TRMT11: variants seen among roughly 807,000 people sequenced by gnomAD.
TRMT11 encodes tRNA (guanine(10)-N(2))-methyltransferase TRMT11.
A neutral mutation model predicts 62.8 loss-of-function variants in TRMT11; 53 were observed. That is an observed-to-expected ratio of 0.84 (90% CI 0.68 to 1.06). The LOEUF is 1.06. TRMT11 is among the 50% of genes least tolerant of loss of function. The pLI, the probability that TRMT11 is intolerant of heterozygous loss-of-function variation, is 0.00. For missense variants in TRMT11, 556 were observed against 553.4 expected (o/e 1.00, Z -0.05); for synonymous variants, 188 against 190.3 (o/e 0.99, Z 0.10).
chr6:126,196,858 A>T (rs535709238), intron 1 of TRMT11, among the ~76,000 whole-genome samples: 5 of 152,148 alleles, frequency 3.3e-5, no homozygotes, highest in African/African-American at 1.2e-4. Flanking sequence ...GGGAATTAAA[A>T]TTTTTTTTAA....
At position 126,111,698 on chromosome 6, in the gene TRMT11, C is replaced by T. The variant is rs886539147; in HGVS notation, c.*1438-1168C>T. 4.6e-5 allele frequency among the ~76,000 whole-genome samples: 7 copies of T among 152,128 alleles called. No individual in the cohort carries two copies. In the East Asian group the frequency reaches 5.8e-4, roughly 13 times the overall value. ...GTTTGAAGGGCACATCATTCCAAGG[C>T]GGAATGGAGTGAGTAGGGCTTTCCC... is the stretch of plus-strand genomic sequence containing the variant. On this transcript the variant is annotated intron_variant and NMD_transcript_variant, in intron 17 of 22. Coordinates refer to the TRMT11 transcript ENST00000648977.
At chr6:126,085,519 A>C (rs1221495287) in intron 17 of TRMT11, among the ~76,000 whole-genome samples, 1 of 152,198 alleles carries the variant, frequency 6.6e-6, no homozygotes, top group Non-Finnish European at 1.5e-5. Flanking sequence ...CATATTTAAC[A>C]TGAGAAAAAT....
chr6:126,074,507 C>T (rs1391020933), intron 17 of TRMT11, among the ~76,000 whole-genome samples: 2 of 151,918 alleles, frequency 1.3e-5, no homozygotes, highest in East Asian at 1.9e-4. Context: ...GAAAAATTAC[C>T]AAGAAGGCCA....
intron 17 of TRMT11, among the ~76,000 whole-genome samples, chr6:126,104,889 T>G (rs1449448714): frequency 2.0e-5 from 3 of 152,196 alleles, no homozygotes; most frequent in Non-Finnish European, 4.4e-5. Flanking sequence ...TGGGACAAAT[T>G]GGATCAGATA....
At chr6:125,987,034 A>G (rs1470388016) in intron 1 of TRMT11, 3 of 186,614 alleles carry the variant, frequency 1.6e-5, no homozygotes, top group East Asian at 1.5e-4. Flanking sequence ...GGAGAAGTTG[A>G]GAAGAGTGTT....
intron 17 of TRMT11, among the ~76,000 whole-genome samples, chr6:126,106,535 A>C (rs1447368153): frequency 6.6e-6 from 1 of 152,180 alleles, no homozygotes; most frequent in Non-Finnish European, 1.5e-5. Flanking sequence ...GAAATAGGCT[A>C]GAATTCGAAG....
Position 126,029,359 on chromosome 6 carries a change from TC to T in TRMT11, c.1260+8085del, listed in dbSNP as rs148091367. 2.8e-3 allele frequency among the ~76,000 whole-genome samples: 424 copies of T among 152,166 alleles called. 1 individual carries two copies. The highest frequency in any genetic ancestry group is 9.6e-3 in the African/African-American group (400 of 41,528). ...TAGAGTAATGCAGCACTCCAGAAGATCCCCCCTTTTGTGGCCATTGTTGATC... is the reference window on the plus strand; with the variant it reads ...TAGAGTAATGCAGCACTCCAGAAGATCCCCCTTTTGTGGCCATTGTTGATC... On this transcript the variant is annotated intron_variant, in intron 12 of 12. Coordinates refer to ENST00000334379, the MANE Select transcript of TRMT11 (RefSeq NM_001031712.3).
At chr6:126,188,701 CAA>C (rs1167975658) in intron 1 of TRMT11, among the ~76,000 whole-genome samples, 1 of 152,094 alleles carries the variant, frequency 6.6e-6, no homozygotes, top group East Asian at 1.9e-4. Context: ...AGCATGTAGA[CAA>C]GTTTGCAAAT....
At chr6:126,140,278 A>G (rs1777902985) in intron 21 of TRMT11, among the ~76,000 whole-genome samples, 1 of 151,992 alleles carries the variant, frequency 6.6e-6, no homozygotes, top group South Asian at 2.1e-4. Context: ...CTGATTTGCT[A>G]ATATGTAATT....
chr6:126,143,460 G>A (rs1174866454), intron 21 of TRMT11, among the ~76,000 whole-genome samples: 7 of 152,062 alleles, frequency 4.6e-5, no homozygotes, highest in Admixed American at 2.6e-4. Flanking sequence ...TTATCTAAAA[G>A]AAAGGTCCCT....
intron 11 of TRMT11, among the ~76,000 whole-genome samples, chr6:126,018,033 G>A (rs746924775): frequency 6.6e-6 from 1 of 152,164 alleles, no homozygotes; most frequent in Non-Finnish European, 1.5e-5. Flanking sequence ...CTTTATAAAT[G>A]ATGACCTTTA....
chr6:126,051,800 C>G (rs893468398), intron 16 of TRMT11, among the ~76,000 whole-genome samples: 4 of 151,998 alleles, frequency 2.6e-5, no homozygotes, highest in African/African-American at 9.7e-5. Context: ...CAAGAGGAGC[C>G]TATGGTACAA....
intron 17 of TRMT11, among the ~76,000 whole-genome samples, chr6:126,071,591 A>G (rs954305493): frequency 6.6e-6 from 1 of 151,896 alleles, no homozygotes; most frequent in Non-Finnish European, 1.5e-5. Context: ...AATTCAGTGC[A>G]GGCCTGGTTC....
the TRMT11 span, among the ~76,000 whole-genome samples, chr6:126,214,330 A>T: frequency 6.6e-6 from 1 of 151,936 alleles, no homozygotes; most frequent in African/African-American, 2.4e-5. Context: ...TTCTTTAAAT[A>T]TCTGGTAAAA....
intron 12 of TRMT11, among the ~76,000 whole-genome samples, chr6:126,038,175 C>T (rs1442694587): frequency 6.6e-6 from 1 of 152,026 alleles, no homozygotes; most frequent in Admixed American, 6.6e-5. Flanking sequence ...GTATCTTCAT[C>T]TACTATGTTC....
intron 17 of TRMT11, among the ~76,000 whole-genome samples, chr6:126,103,820 C>T (rs895369956): frequency 2.0e-5 from 3 of 152,130 alleles, no homozygotes; most frequent in Non-Finnish European, 4.4e-5. Flanking sequence ...TCTTACATAA[C>T]ATAATGTCAT....
chr6:126,189,151 T>G (rs1213171393), intron 1 of TRMT11, among the ~76,000 whole-genome samples: 6 of 152,178 alleles, frequency 3.9e-5, no homozygotes, highest in Non-Finnish European at 8.8e-5. Flanking sequence ...GACAGACCCC[T>G]GTACTGATCT....
chr6:125,986,557 C>T lies in TRMT11; in HGVS notation c.7C>T (p.Leu3=). ...CGCACGGTGGGCAGCTGCAATGGCG[C>T]TGTCGTGTACCCTTAACAGGTATCT... MA[L]SCTLNRYLLL... Residue 3 remains leucine, a synonymous_variant, in exon 1 of 13, where the codon CTG becomes TTG. Coordinates refer to ENST00000334379, the MANE Select transcript of TRMT11 (RefSeq NM_001031712.3). The T allele has an allele frequency of 6.3e-7, 1 of 1,589,618 alleles. No individual in the cohort carries two copies. The highest frequency in any genetic ancestry group is 8.5e-7 in the Non-Finnish European group (1 of 1,170,414).
intron 21 of TRMT11, among the ~76,000 whole-genome samples, chr6:126,116,017 C>CTTTTTTT (rs577116368): frequency 1.5e-5 from 2 of 136,456 alleles, no homozygotes; most frequent in Non-Finnish European, 1.6e-5. Context: ...CCTTAGGGTC[C>CTTTTTTT]TTTTTTTTTT....
Sources: gnomAD v4.1 joint callset for allele counts (sites outside exome capture counted in the v4.1 genomes callset) on GRCh38, gnomAD v4.1.1 for gene constraint, MANE v1.5 for transcripts, NCBI Gene and HGNC (gene_info 2026-07-23, HGNC 2026-07-21) for gene names.